The following GABRB2 variants were observed in gnomAD, a reference collection of about 807,000 sequenced individuals.
GABRB2 encodes the protein gamma-aminobutyric acid type A receptor subunit beta2, also known as gamma-aminobutyric acid receptor subunit beta-2.
In GABRB2, 16 loss-of-function variants were observed where a neutral mutation model predicts 54.7. That is an observed-to-expected ratio of 0.29 (90% CI 0.20 to 0.44). The LOEUF (loss-of-function observed/expected upper bound fraction) is 0.44. Ranked by LOEUF, GABRB2 falls within the 20% of genes least tolerant of loss-of-function variation. The pLI, the probability that GABRB2 is intolerant of heterozygous loss-of-function variation, is 1.00. For synonymous variants in GABRB2, 244 were observed against 233.8 expected (o/e 1.04, Z -0.40); for missense variants, 355 against 644.0 (o/e 0.55, Z 4.86).
At chr5:161,541,695 T>C (rs1297846067) in intron 3 of GABRB2, among the ~76,000 whole-genome samples, 1 of 152,160 alleles carries the variant, frequency 6.6e-6, no homozygotes, top group African/African-American at 2.4e-5. Flanking sequence ...ACAGTTAGGG[T>C]CTTGTTCTGG....
intron 5 of GABRB2, among the ~76,000 whole-genome samples, chr5:161,405,796 A>G (rs1756332890): frequency 6.6e-6 from 1 of 152,074 alleles, no homozygotes; most frequent in Non-Finnish European, 1.5e-5. Flanking sequence ...GTTATAGCAA[A>G]TTTGGATGTA....
At chr5:161,431,389 A>G (rs1181772483) in intron 4 of GABRB2, among the ~76,000 whole-genome samples, 1 of 152,172 alleles carries the variant, frequency 6.6e-6, no homozygotes, top group Non-Finnish European at 1.5e-5. Flanking sequence ...GAATGAAGCA[A>G]GAAAAATATC....
intron 5 of GABRB2, among the ~76,000 whole-genome samples, chr5:161,395,681 TA>T (rs1185553872): frequency 2.6e-5 from 4 of 151,906 alleles, no homozygotes; most frequent in African/African-American, 9.7e-5. Flanking sequence ...AGGAGTTAGC[TA>T]AGCAAAAAAG....
At chr5:161,511,162 A>G (rs992832323) in intron 3 of GABRB2, among the ~76,000 whole-genome samples, 1 of 152,012 alleles carries the variant, frequency 6.6e-6, no homozygotes, top group Admixed American at 6.6e-5. Context: ...TTAATTTCAT[A>G]GCAAAAGTGA....
chr5:161,494,123 A>C (rs562380891), intron 3 of GABRB2, among the ~76,000 whole-genome samples: 1 of 151,850 alleles, frequency 6.6e-6, no homozygotes, highest in Middle Eastern at 3.2e-3. Flanking sequence ...AGTTACCATA[A>C]AACATAATCT....
chr5:161,294,060 C>T lies in GABRB2; in HGVS notation c.*21G>A. The T allele has an allele frequency of 6.4e-7, 1 of 1,569,010 alleles. No individual in the cohort carries two copies. Among genetic ancestry groups the T allele is most frequent in the Non-Finnish European group, 8.7e-7 (1 of 1,143,454 alleles). On this transcript the variant is annotated 3_prime_UTR_variant, in exon 10 of 10. Coordinates refer to ENST00000393959, the MANE Select transcript of GABRB2 (RefSeq NM_001371727.1). ...GGTTTGAGGAGGAATCTAGTCCTTGCTTCCAGTGGGAGGCCATGTTTTAGT... is the reference window on the plus strand; with the variant it reads ...GGTTTGAGGAGGAATCTAGTCCTTGTTTCCAGTGGGAGGCCATGTTTTAGT...
At chr5:161,383,892 A>C (rs181535824) in intron 5 of GABRB2, among the ~76,000 whole-genome samples, 42 of 152,354 alleles carry the variant, frequency 2.8e-4, no homozygotes, top group Admixed American at 2.7e-3. Flanking sequence ...ATATGCATAA[A>C]ATGTATATAT....
At chr5:161,327,715 A>G (rs1176889461) in intron 8 of GABRB2, among the ~76,000 whole-genome samples, 4 of 152,194 alleles carry the variant, frequency 2.6e-5, no homozygotes, top group Non-Finnish European at 1.5e-5. Flanking sequence ...AGCACAGTTC[A>G]AAAATCACTT....
At chr5:161,417,302 G>A (rs1756706297) in intron 4 of GABRB2, among the ~76,000 whole-genome samples, 2 of 152,214 alleles carry the variant, frequency 1.3e-5, no homozygotes, top group African/African-American at 4.8e-5. Context: ...CTATGTTCAC[G>A]ACACTAGTGT....
At chr5:161,505,383 C>T (rs542657783) in intron 3 of GABRB2, among the ~76,000 whole-genome samples, 4 of 152,046 alleles carry the variant, frequency 2.6e-5, no homozygotes, top group Middle Eastern at 3.4e-3. Context: ...CACCCGCCTC[C>T]GCCTCCCAAA....
At chr5:161,392,931 T>C (rs990984203) in intron 5 of GABRB2, among the ~76,000 whole-genome samples, 2 of 152,100 alleles carry the variant, frequency 1.3e-5, no homozygotes, top group African/African-American at 4.8e-5. Context: ...ATTCAAACTT[T>C]TTATTAACAA....
chr5:161,313,518 ACAC>A (rs1554092758), intron 9 of GABRB2, among the ~76,000 whole-genome samples: 1 of 142,618 alleles, frequency 7.0e-6, no homozygotes, highest in Non-Finnish European at 1.6e-5. Flanking sequence ...GATTCAAAAA[ACAC>A]CACCACCGAG....
chr5:161,306,231 T>C (rs904799835), intron 9 of GABRB2, among the ~76,000 whole-genome samples: 11 of 152,210 alleles, frequency 7.2e-5, no homozygotes, highest in African/African-American at 2.7e-4. Flanking sequence ...TCTAGTTTTC[T>C]GTTGGAAGCA....
chr5:161,484,922 T>C (rs971897564), intron 3 of GABRB2, among the ~76,000 whole-genome samples: 1 of 151,944 alleles, frequency 6.6e-6, no homozygotes, highest in Admixed American at 6.6e-5. Context: ...GGTTCAAACT[T>C]CTTAGTATGG....
At chr5:161,535,266 T>A (rs772266639) in intron 3 of GABRB2, among the ~76,000 whole-genome samples, 1 of 152,210 alleles carries the variant, frequency 6.6e-6, no homozygotes, top group Non-Finnish European at 1.5e-5. Context: ...AGAGTTATAT[T>A]ATTCACACTG....
intron 3 of GABRB2, among the ~76,000 whole-genome samples, chr5:161,497,908 T>C (rs1303600760): frequency 6.6e-6 from 1 of 152,140 alleles, no homozygotes; most frequent in African/African-American, 2.4e-5. Context: ...CACTTGTCTA[T>C]CTCTTTGAGT....
chr5:161,463,724 T>C (rs976342117), intron 3 of GABRB2, among the ~76,000 whole-genome samples: 3 of 150,284 alleles, frequency 2.0e-5, no homozygotes, highest in Admixed American at 6.6e-5. Context: ...TGTGGTAGTA[T>C]TGATAGAAAC....
At chr5:161,349,741 A>C (rs1054718837) in intron 5 of GABRB2, among the ~76,000 whole-genome samples, 1 of 152,090 alleles carries the variant, frequency 6.6e-6, no homozygotes, top group Non-Finnish European at 1.5e-5. Flanking sequence ...AGAAGAACTG[A>C]TGCCCTTTTC....
chr5:161,351,430 C>T (rs907491442), intron 5 of GABRB2, among the ~76,000 whole-genome samples: 19 of 152,028 alleles, frequency 1.2e-4, no homozygotes, highest in Admixed American at 3.9e-4. Context: ...ACAATGATGC[C>T]AAGAACACAT....
Sources: gnomAD v4.1 joint callset for allele counts (sites outside exome capture counted in the v4.1 genomes callset) on GRCh38, gnomAD v4.1.1 for gene constraint, MANE v1.5 for transcripts, NCBI Gene and HGNC (gene_info 2026-07-23, HGNC 2026-07-21) for gene names.